DOCK4: variants seen among roughly 807,000 people sequenced by gnomAD.
The protein encoded by DOCK4 is dedicator of cytokinesis protein 4.
Under a neutral mutation model 268.1 loss-of-function variants are expected in DOCK4, and 97 were observed. The ratio of observed to expected loss-of-function variants is 0.36; its 90% confidence interval spans 0.31 to 0.43. The LOEUF (loss-of-function observed/expected upper bound fraction) is 0.43. DOCK4 is among the 20% of genes least tolerant of loss of function. The pLI is 1.00. For missense variants in DOCK4, 2,145 were observed against 2,455.7 expected (o/e 0.87, Z 2.67); for synonymous variants, 954 against 887.2 (o/e 1.08, Z -1.34).
intron 12 of DOCK4, among the ~76,000 whole-genome samples, chr7:111,933,990 G>A (rs1794481559): frequency 6.6e-6 from 1 of 152,128 alleles, no homozygotes; most frequent in African/African-American, 2.4e-5. Context: ...AAAAAGAAAG[G>A]CGGTTTGAAT....
intron 1 of DOCK4, among the ~76,000 whole-genome samples, chr7:112,045,092 C>CCT (rs1367664966): frequency 6.6e-6 from 1 of 152,200 alleles, no homozygotes; most frequent in Non-Finnish European, 1.5e-5. Context: ...CTTCTCCTCA[C>CCT]CTCTGCCTTG....
At chr7:111,859,345 C>G (rs10808168) in intron 23 of DOCK4, among the ~76,000 whole-genome samples, 1 of 151,920 alleles carries the variant, frequency 6.6e-6, no homozygotes, top group Non-Finnish European at 1.5e-5. Context: ...GGAAATGACT[C>G]CATCATAACT....
At position 111,872,410 on chromosome 7, in the gene DOCK4, A is replaced by C. The variant is rs1806503778; in HGVS notation, c.1842+57T>G. ...AAGATACTATCTGTCTTTTTCCTCC[A>C]AATGTTCTTTATTCTATGAATCTCT... On this transcript the variant is annotated intron_variant, in intron 18 of 52. Transcript: ENST00000428084. 2.6e-6 allele frequency: 4 copies of C among 1,531,500 alleles called. No homozygotes were observed. The South Asian group carries it at 4.9e-5, about 19-fold the overall frequency. 94.9% of individuals were successfully genotyped at this position (1,531,500 alleles called of 1,614,324 possible). A position where few individuals can be genotyped will look rare whatever the true frequency, so the allele number is the denominator to read the frequency against.
At chr7:112,191,077 T>TTTTGC (rs1448347602) in intron 1 of DOCK4, among the ~76,000 whole-genome samples, 1 of 152,120 alleles carries the variant, frequency 6.6e-6, no homozygotes, top group African/African-American at 2.4e-5. Context: ...AGGTTTCTTG[T>TTTTGC]TTTGTTTAGT....
rs1349616347 is a variant in DOCK4 at position 111,726,379 on chromosome 7, T to C, written c.*1895A>G. 1 of 152,548 alleles carries C rather than the reference T, an allele frequency of 6.6e-6. No individual in the cohort carries two copies. The highest frequency in any genetic ancestry group is 1.5e-5 in the Non-Finnish European group (1 of 68,024). 9.4% of individuals were successfully genotyped at this position (152,548 alleles called of 1,614,324 possible). On this transcript the variant is annotated 3_prime_UTR_variant, in exon 53 of 53. Coordinates refer to ENST00000428084, the MANE Select transcript of DOCK4 (RefSeq NM_001363540.2). ...ACAGGAAAAGGAAATCAAGGAAGCT[T>C]TGTTATCTTATGCATGTCATCTTAT... is the stretch of plus-strand genomic sequence containing the variant.
chr7:111,845,912 T>C (rs1376508381), intron 24 of DOCK4, among the ~76,000 whole-genome samples: 1 of 152,208 alleles, frequency 6.6e-6, no homozygotes. Flanking sequence ...TATAATTTTA[T>C]AGAGGCGGGT....
Position 111,944,791 on chromosome 7 carries a change from C to G in DOCK4, c.844+20G>C. On this transcript the variant is annotated intron_variant, in intron 10 of 52. Transcript: ENST00000428084. ...CTCTCTGTTCCTTGCCCCTACTGCA[C>G]TGACAAGTGTTATACCTACCGATTC... 6.2e-7 allele frequency: 1 copy of G among 1,611,856 alleles called. No individual in the cohort carries two copies. The highest frequency in any genetic ancestry group is 8.5e-7 in the Non-Finnish European group (1 of 1,178,026).
intron 1 of DOCK4, among the ~76,000 whole-genome samples, chr7:112,197,441 C>T (rs1376096754): frequency 6.6e-6 from 1 of 152,062 alleles, no homozygotes; most frequent in African/African-American, 2.4e-5. Flanking sequence ...CTCTGTTTTT[C>T]AACATCCTTA....
chr7:112,201,507 T>A (rs1820930192), intron 1 of DOCK4, among the ~76,000 whole-genome samples: 2 of 152,264 alleles, frequency 1.3e-5, no homozygotes, highest in East Asian at 3.9e-4. Context: ...CTGGCTAGGT[T>A]TGAGGGGTGC....
intron 30 of DOCK4, among the ~76,000 whole-genome samples, chr7:111,794,838 C>T (rs1799780417): frequency 6.6e-6 from 1 of 152,188 alleles, no homozygotes; most frequent in South Asian, 2.1e-4. Context: ...AGGAATGGGA[C>T]TCACTACAGG....
intron 1 of DOCK4, among the ~76,000 whole-genome samples, chr7:112,142,776 T>C (rs1586910762): frequency 6.6e-6 from 1 of 152,240 alleles, no homozygotes; most frequent in East Asian, 1.9e-4. Context: ...CATGCATACA[T>C]AGTATCTAGT....
intron 1 of DOCK4, among the ~76,000 whole-genome samples, chr7:112,201,214 C>T (rs763643950): frequency 5.3e-5 from 8 of 152,050 alleles, no homozygotes; most frequent in African/African-American, 1.2e-4. Flanking sequence ...TGTATGAATA[C>T]GAGAAGGTGC....
intron 30 of DOCK4, among the ~76,000 whole-genome samples, chr7:111,801,520 T>A (rs55941731): frequency 0.081 from 12,367 of 152,210 alleles, 1,697 homozygotes; most frequent in African/African-American, 0.28. Flanking sequence ...TAAATCACTT[T>A]TCCATACCCA....
At chr7:111,941,050 A>G (rs192734775) in intron 10 of DOCK4, among the ~76,000 whole-genome samples, 8 of 152,344 alleles carry the variant, frequency 5.3e-5, no homozygotes, top group Admixed American at 4.6e-4. Context: ...CCAAAATCCA[A>G]TGTTAAGCAG....
At chr7:111,856,999 T>C (rs1805065769) in intron 23 of DOCK4, among the ~76,000 whole-genome samples, 1 of 152,224 alleles carries the variant, frequency 6.6e-6, no homozygotes, top group Non-Finnish European at 1.5e-5. Flanking sequence ...GGACTCTCTA[T>C]TTTGCAAGCC....
chr7:112,066,738 T>C (rs1807094824), intron 1 of DOCK4, among the ~76,000 whole-genome samples: 2 of 113,844 alleles, frequency 1.8e-5, no homozygotes, highest in African/African-American at 3.4e-5. Context: ...TATATATATA[T>C]ATATCTCCTA....
intron 36 of DOCK4, among the ~76,000 whole-genome samples, chr7:111,775,779 A>G (rs768245663): frequency 5.3e-5 from 8 of 152,326 alleles, no homozygotes; most frequent in African/African-American, 1.2e-4. Context: ...GGCAGTGGCA[A>G]TAGTGCCTTC....
At chr7:112,039,491 T>A (rs565746867) in intron 1 of DOCK4, among the ~76,000 whole-genome samples, 1 of 152,202 alleles carries the variant, frequency 6.6e-6, no homozygotes, top group East Asian at 1.9e-4. Context: ...GTTGTTGTTG[T>A]TTTTATACAT....
intron 12 of DOCK4, among the ~76,000 whole-genome samples, chr7:111,927,845 C>T (rs367886956): frequency 6.6e-6 from 1 of 152,074 alleles, no homozygotes; most frequent in East Asian, 1.9e-4. Flanking sequence ...TCTCTCGGAC[C>T]TTCCCTGCCA....
Sources: gnomAD v4.1 joint callset for allele counts (sites outside exome capture counted in the v4.1 genomes callset) on GRCh38, gnomAD v4.1.1 for gene constraint, MANE v1.5 for transcripts, NCBI Gene and HGNC (gene_info 2026-07-23, HGNC 2026-07-21) for gene names.